Variants in MARCHF10 observed in about 807,000 individuals in gnomAD.
MARCHF10 encodes probable E3 ubiquitin-protein ligase MARCHF10.
Under a neutral mutation model 76.2 loss-of-function variants are expected in MARCHF10, and 64 were observed. The observed-to-expected ratio is 0.84, with a 90% CI of 0.69 to 1.03. The LOEUF is 1.03. Among genes scored for constraint, MARCHF10 ranks in the 50% least tolerant of loss-of-function variants. The probability of loss-of-function intolerance (pLI) is 0.00; values close to 1 mark genes in which losing one functional copy is unlikely to be tolerated. For synonymous variants in MARCHF10, 340 were observed against 357.5 expected, an observed-to-expected ratio of 0.95 and a Z score of 0.55; for missense variants, 875 against 958.0, an observed-to-expected ratio of 0.91 and a Z score of 1.14.
chr17:62,756,095 A>G (rs1474049249), intron 4 of MARCHF10, among the ~76,000 whole-genome samples: 8 of 152,166 alleles, frequency 5.3e-5, no homozygotes, highest in African/African-American at 1.9e-4. Context: ...CTAAAAATAC[A>G]AAATTAGCTG....
Position 62,701,329 on chromosome 17 carries a change from A to G in MARCHF10, c.*374T>C, listed in dbSNP as rs2089223521. 2 of 256,270 alleles carry G rather than the reference A, an allele frequency of 7.8e-6. No homozygotes were observed. Among genetic ancestry groups the G allele is most frequent in the South Asian group, 6.5e-5 (1 of 15,478 alleles). 15.9% of individuals were successfully genotyped at this position (256,270 alleles called of 1,614,324 possible). The stretch of plus-strand genomic sequence containing the variant: ...TGAACGAAGCTGGGAGAATAATGTC[A>G]GTTTACTGAATGAATACATGGCTCG... On this transcript the variant is annotated 3_prime_UTR_variant, in exon 11 of 11. Transcript: ENST00000311269.
chr17:62,748,054 A>C (rs1384020573), intron 4 of MARCHF10, among the ~76,000 whole-genome samples: 1 of 152,204 alleles, frequency 6.6e-6, no homozygotes, highest in Non-Finnish European at 1.5e-5. Flanking sequence ...CTGTAAGTGC[A>C]GTCACAAATG....
intron 6 of MARCHF10, among the ~76,000 whole-genome samples, chr17:62,733,700 G>A (rs2091134955): frequency 6.6e-6 from 1 of 152,166 alleles, no homozygotes; most frequent in Non-Finnish European, 1.5e-5. Context: ...TTGACAGAAT[G>A]GCTAAATTGT....
chr17:62,773,349 C>T (rs555041857), intron 3 of MARCHF10, among the ~76,000 whole-genome samples: 3 of 152,138 alleles, frequency 2.0e-5, no homozygotes, highest in South Asian at 2.1e-4. Flanking sequence ...CGTGCAGAGA[C>T]GGGGAAGTCA....
At chr17:62,754,154 C>G (rs1246510812) in intron 4 of MARCHF10, among the ~76,000 whole-genome samples, 1 of 152,116 alleles carries the variant, frequency 6.6e-6, no homozygotes, top group Non-Finnish European at 1.5e-5. Flanking sequence ...CTCACTGCAA[C>G]CTCCTCCTCC....
chr17:62,716,709 T>G (rs1232622307), intron 8 of MARCHF10, among the ~76,000 whole-genome samples: 1 of 152,100 alleles, frequency 6.6e-6, no homozygotes, highest in African/African-American at 2.4e-5. Flanking sequence ...AAAAAAATTC[T>G]AAGTGGGAAA....
rs1320230540 is a variant in MARCHF10, at chr17:62,787,170, ACCTTC to A, written c.210+1305_210+1309del. 3.3e-5 allele frequency among the ~76,000 whole-genome samples: 5 copies of A among 152,172 alleles called. No individual in the cohort carries two copies. In the East Asian group the frequency reaches 9.6e-4, roughly 29 times the overall value. ...CCAATATTGTGAGATAGTCTCTTTC[ACCTTC>A]AGACTCTAAGTGAAATATTTTATTG... is the stretch of plus-strand genomic sequence containing the variant. On this transcript the variant is annotated intron_variant, in intron 3 of 10. Coordinates refer to ENST00000311269, the MANE Select transcript of MARCHF10 (RefSeq NM_152598.4).
chr17:62,725,013 A>G lies in MARCHF10; in HGVS notation c.2029T>C (p.Cys677Arg). ...GSPSNPLLEP[C>R]GCVGSLQFVH... ...AACTGCAGGCTTCCCACACAGCCGC[A>G]AGGCTCCAGGAGGGGGTTGCTTGGG... The change falls in exon 7 of 11, where the codon TGC becomes CGC. Residue 677 changes from cysteine (C) to arginine (R), a missense_variant. Physicochemically the swap from Cys to Arg is radical, Grantham distance 180 (BLOSUM62 -3). Transcript: ENST00000311269. 1 of 1,610,904 alleles carries G rather than the reference A, an allele frequency of 6.2e-7. No homozygotes were observed. Among genetic ancestry groups the G allele is most frequent in the African/African-American group, 1.3e-5 (1 of 74,956 alleles).
rs1314465571 is a variant in MARCHF10, at chr17:62,713,459, C to CTCT, written c.2215-2118_2215-2116dup. Among the ~76,000 whole-genome samples, 8 of 152,328 alleles carry CTCT rather than the reference C, an allele frequency of 5.3e-5. No individual in the cohort carries two copies. The South Asian group carries it at 1.4e-3, about 28-fold the overall frequency. ...AAAAGTCACTTCTAGCAGATTGTGTCTCTTCTCTGATCTGTGGGAGGGAAC... is the reference window on the plus strand; with the variant it reads ...AAAAGTCACTTCTAGCAGATTGTGTCTCTTCTTCTCTGATCTGTGGGAGGGAAC... On this transcript the variant is annotated intron_variant, in intron 8 of 10. Coordinates refer to ENST00000311269, the MANE Select transcript of MARCHF10 (RefSeq NM_152598.4).
rs2091239366 is a variant in MARCHF10, at chr17:62,735,877, C to T, written c.1937+54G>A. ...CCATGGCTCTCTAACGAAAGCAATG[C>T]TAATTTTGGCCTTGGGAAAGTGGAA... On this transcript the variant is annotated intron_variant, in intron 6 of 10. Coordinates refer to ENST00000311269, the MANE Select transcript of MARCHF10 (RefSeq NM_152598.4). The T allele has an allele frequency of 1.2e-5, 19 of 1,522,792 alleles. 1 individual carries two copies. Among genetic ancestry groups the T allele is most frequent in the Non-Finnish European group, 1.5e-5 (17 of 1,127,302 alleles). 94.3% of individuals were successfully genotyped at this position (1,522,792 alleles called of 1,614,324 possible).
At chr17:62,754,584 C>T (rs2147921960) in intron 4 of MARCHF10, among the ~76,000 whole-genome samples, 1 of 152,168 alleles carries the variant, frequency 6.6e-6, no homozygotes, top group South Asian at 2.1e-4. Context: ...TTCCATTTTA[C>T]TGATGAGGAA....
intron 2 of MARCHF10, among the ~76,000 whole-genome samples, chr17:62,798,439 C>T (rs1055265812): frequency 1.2e-5 from 1 of 82,222 alleles, no homozygotes; most frequent in Non-Finnish European, 2.5e-5. Context: ...GCCTGGGAAA[C>T]ATTAAAAAAA....
rs544628842 is a variant in MARCHF10 at position 62,714,282 on chromosome 17, C to T, written c.2215-2938G>A. 25 of 598,448 alleles carry T rather than the reference C, an allele frequency of 4.2e-5. No individual in the cohort carries two copies. In the South Asian group the frequency reaches 1.2e-3, roughly 28 times the overall value. 37.1% of individuals were successfully genotyped at this position (598,448 alleles called of 1,614,324 possible). A position where few individuals can be genotyped will look rare whatever the true frequency, so the allele number is the denominator to read the frequency against. On this transcript the variant is annotated intron_variant, in intron 8 of 10. Transcript: ENST00000311269. ...GCTAAGGTGGGCAGTGCAGGGCCACCGGACACTGTGACTTTAGGCAGAGTT... is the reference window on the plus strand; with the variant it reads ...GCTAAGGTGGGCAGTGCAGGGCCACTGGACACTGTGACTTTAGGCAGAGTT...
intron 9 of MARCHF10, among the ~76,000 whole-genome samples, chr17:62,706,978 G>T (rs890379557): frequency 1.3e-5 from 2 of 152,190 alleles, no homozygotes; most frequent in African/African-American, 2.4e-5. Context: ...GCTCCCCGAT[G>T]GGAGGAAAGG....
chr17:62,775,133 T>TTTTC (rs1491348474), intron 3 of MARCHF10, among the ~76,000 whole-genome samples: 2 of 15,982 alleles, frequency 1.3e-4, no homozygotes, highest in East Asian at 6.8e-3. Flanking sequence ...CTGGCCTTCC[T>TTTTC]TTTTTTTTTT....
At chr17:62,799,151 G>C (rs867770162) in intron 2 of MARCHF10, among the ~76,000 whole-genome samples, 5 of 152,180 alleles carry the variant, frequency 3.3e-5, no homozygotes, top group Non-Finnish European at 7.3e-5. Context: ...ATGTGTTGAC[G>C]TGAGTCATCC....
At chr17:62,778,879 G>GC (rs2092603349) in intron 3 of MARCHF10, among the ~76,000 whole-genome samples, 1 of 152,032 alleles carries the variant, frequency 6.6e-6, no homozygotes, top group Non-Finnish European at 1.5e-5. Flanking sequence ...GCAGAAATAA[G>GC]AACTTCAGGA....
chr17:62,783,669 C>G (rs1039388633), intron 3 of MARCHF10, among the ~76,000 whole-genome samples: 2 of 151,708 alleles, frequency 1.3e-5, no homozygotes, highest in African/African-American at 2.4e-5. Context: ...CAAATAGACG[C>G]AATAAAAAAT....
intron 4 of MARCHF10, among the ~76,000 whole-genome samples, chr17:62,749,239 C>G (rs1052183110): frequency 6.6e-6 from 1 of 152,148 alleles, no homozygotes; most frequent in Non-Finnish European, 1.5e-5. Flanking sequence ...TATATTTGTA[C>G]AAGACCCTGA....
Sources: gnomAD v4.1 joint callset for allele counts (sites outside exome capture counted in the v4.1 genomes callset) on GRCh38, gnomAD v4.1.1 for gene constraint, MANE v1.5 for transcripts, NCBI Gene and HGNC (gene_info 2026-07-23, HGNC 2026-07-21) for gene names.